AGBL1: variants seen among roughly 807,000 people sequenced by gnomAD.
The protein encoded by AGBL1 is cytosolic carboxypeptidase 4.
AGBL1 carries 130 observed loss-of-function variants against 118.9 expected under a neutral mutation model. That is an observed-to-expected ratio of 1.09 (90% confidence interval 0.95 to 1.26). The LOEUF is 1.26. Among genes scored for constraint, AGBL1 ranks in the 50% most tolerant of loss-of-function variants. AGBL1 has a pLI of 0.00. For synonymous variants in AGBL1, 555 were observed against 478.9 expected (o/e 1.16, Z -2.08); for missense variants, 1,584 against 1,298.1 (o/e 1.22, Z -3.38).
chr15:86,819,240 G>C (rs531918746), intron 22 of AGBL1, among the ~76,000 whole-genome samples: 136 of 152,168 alleles, frequency 8.9e-4, no homozygotes, highest in Middle Eastern at 3.4e-3. Flanking sequence ...AGTAGTACTA[G>C]TAGTAGGTTG....
chr15:86,904,163 A>C (rs1356702043), intron 22 of AGBL1, among the ~76,000 whole-genome samples: 1 of 152,080 alleles, frequency 6.6e-6, no homozygotes, highest in African/African-American at 2.4e-5. Flanking sequence ...TGGGGCTTTT[A>C]ATCATCTGCA....
chr15:86,278,607 T>A (rs2079297265), intron 15 of AGBL1, among the ~76,000 whole-genome samples: 1 of 152,180 alleles, frequency 6.6e-6, no homozygotes, highest in Non-Finnish European at 1.5e-5. Context: ...ACAAGAATAA[T>A]TACCTACTAT....
chr15:86,379,804 G>C (rs981155927), intron 17 of AGBL1, among the ~76,000 whole-genome samples: 1 of 152,172 alleles, frequency 6.6e-6, no homozygotes, highest in Non-Finnish European at 1.5e-5. Flanking sequence ...TCTCTACAGA[G>C]TTTCAGAGCT....
At chr15:86,401,340 T>C (rs113752457) in intron 18 of AGBL1, among the ~76,000 whole-genome samples, 3,652 of 152,264 alleles carry the variant, frequency 0.024, 57 homozygotes, top group Middle Eastern at 0.068. Flanking sequence ...TCCTTGTAGA[T>C]TTTAGATATT....
chr15:86,715,132 C>T (rs1349347561), intron 22 of AGBL1, among the ~76,000 whole-genome samples: 1 of 152,168 alleles, frequency 6.6e-6, no homozygotes, highest in Non-Finnish European at 1.5e-5. Context: ...GGCCCAGCAA[C>T]TTCACTGATT....
intron 22 of AGBL1, among the ~76,000 whole-genome samples, chr15:86,764,658 T>C (rs941087234): frequency 5.9e-5 from 9 of 152,062 alleles, no homozygotes; most frequent in African/African-American, 2.2e-4. Flanking sequence ...GTTATAGATT[T>C]GATTATCAAC....
intron 1 of AGBL1, among the ~76,000 whole-genome samples, chr15:86,141,040 C>A (rs1239795408): frequency 6.6e-6 from 1 of 152,158 alleles, no homozygotes; most frequent in African/African-American, 2.4e-5. Flanking sequence ...AAATAAAATA[C>A]CCTCTCCTCC....
In AGBL1 at chr15:86,910,940, C is replaced by T. The variant is rs1251729557; in HGVS notation, c.*3646C>T. 6.6e-6 allele frequency: 1 copy of T among 152,182 alleles called. No homozygotes were observed. Among genetic ancestry groups the T allele is most frequent in the Non-Finnish European group, 1.5e-5 (1 of 68,064 alleles). The allele number at this position is 152,182 out of a possible 1,614,324, so 9.4% of individuals were successfully genotyped here. A position where few individuals can be genotyped will look rare whatever the true frequency, so the allele number is the denominator to read the frequency against. Reference sequence around the variant, plus strand: ...TCCATCCAGAGTTAGAGGGTACTTACTTGAGAGTTAACTCTCAATAGTTAT... The same window carrying T: ...TCCATCCAGAGTTAGAGGGTACTTATTTGAGAGTTAACTCTCAATAGTTAT... On this transcript the variant is annotated 3_prime_UTR_variant, in exon 23 of 23. Transcript: ENST00000614907.
At chr15:86,851,161 C>T (rs1188192731) in intron 22 of AGBL1, among the ~76,000 whole-genome samples, 1 of 152,146 alleles carries the variant, frequency 6.6e-6, no homozygotes, top group Admixed American at 6.6e-5. Context: ...GATAGCGTCA[C>T]CCTCATCTAC....
intron 22 of AGBL1, among the ~76,000 whole-genome samples, chr15:86,812,438 T>G (rs1156483): frequency 6.6e-6 from 1 of 152,108 alleles, no homozygotes; most frequent in Non-Finnish European, 1.5e-5. Context: ...TGGTATTAAA[T>G]TCACCTATGG....
intron 5 of AGBL1, among the ~76,000 whole-genome samples, chr15:86,177,683 C>T (rs1289713677): frequency 6.6e-6 from 1 of 152,086 alleles, no homozygotes; most frequent in African/African-American, 2.4e-5. Flanking sequence ...TAATGTACTT[C>T]TAAAGGAACT....
intron 24 of AGBL1, among the ~76,000 whole-genome samples, chr15:87,002,333 C>T (rs998632714): frequency 2.0e-5 from 3 of 152,012 alleles, no homozygotes; most frequent in Non-Finnish European, 4.4e-5. Flanking sequence ...TTCCATTGTT[C>T]TATATCTCTG....
intron 22 of AGBL1, among the ~76,000 whole-genome samples, chr15:86,675,976 T>A (rs1176607703): frequency 6.6e-6 from 1 of 152,184 alleles, no homozygotes; most frequent in Non-Finnish European, 1.5e-5. Context: ...GATGTCAGGC[T>A]TCAAATACAA....
In AGBL1 at chr15:86,910,712, C is replaced by A. The variant is rs1430239837; in HGVS notation, c.*3418C>A. ...AAAGGTTTCCTAGAAATCAGAGGTA[C>A]CTCAGGAAGCAGAAGGAGAACAAAG... On this transcript the variant is annotated 3_prime_UTR_variant, in exon 23 of 23. Transcript: ENST00000614907. 6.6e-6 allele frequency: 1 copy of A among 152,280 alleles called. No individual in the cohort carries two copies. Among genetic ancestry groups the A allele is most frequent in the Non-Finnish European group, 1.5e-5 (1 of 68,048 alleles). 9.4% of individuals were successfully genotyped at this position (152,280 alleles called of 1,614,324 possible).
At chr15:86,627,776 A>G (rs1186977757) in intron 21 of AGBL1, among the ~76,000 whole-genome samples, 1 of 152,232 alleles carries the variant, frequency 6.6e-6, no homozygotes, top group Non-Finnish European at 1.5e-5. Context: ...CAGGGTCAGT[A>G]GTGGCAGGGA....
At chr15:86,781,137 T>C (rs1409740234) in intron 22 of AGBL1, among the ~76,000 whole-genome samples, 1 of 149,676 alleles carries the variant, frequency 6.7e-6, no homozygotes, top group East Asian at 1.9e-4. Context: ...CTCTTTGAAA[T>C]AACATAGAGA....
chr15:86,196,566 G>T (rs1283671170), intron 5 of AGBL1, among the ~76,000 whole-genome samples: 2 of 152,116 alleles, frequency 1.3e-5, no homozygotes, highest in Non-Finnish European at 2.9e-5. Flanking sequence ...GGATACACAT[G>T]GGGTGGGTAA....
chr15:86,625,178 T>G (rs373851210), intron 21 of AGBL1, among the ~76,000 whole-genome samples: 36 of 152,174 alleles, frequency 2.4e-4, no homozygotes, highest in African/African-American at 7.9e-4. Context: ...TCTGCCTCCT[T>G]CAAGTTGGGG....
intron 24 of AGBL1, among the ~76,000 whole-genome samples, chr15:86,996,910 C>G (rs1017875677): frequency 3.3e-5 from 5 of 152,004 alleles, no homozygotes; most frequent in South Asian, 2.1e-4. Flanking sequence ...CCTTTTAATA[C>G]TCCAATATAT....
Sources: allele counts gnomAD v4.1 joint callset (sites outside exome capture counted in the v4.1 genomes callset), GRCh38; gene constraint gnomAD v4.1.1; transcripts MANE v1.5; gene names NCBI Gene and HGNC (gene_info 2026-07-23, HGNC 2026-07-21).